Variants in GRAMD4 observed in about 807,000 individuals in gnomAD.
The protein encoded by GRAMD4 is GRAM domain-containing protein 4.
Under a neutral mutation model 83.9 loss-of-function variants are expected in GRAMD4, and 25 were observed. The ratio of observed to expected loss-of-function variants is 0.30; its 90% CI spans 0.22 to 0.42. The LOEUF is 0.42. GRAMD4 is among the 10% of genes least tolerant of loss of function. The pLI is 1.00. For synonymous variants in GRAMD4, 336 were observed against 320.9 expected, an observed-to-expected ratio of 1.05 and a Z score of -0.50; for missense variants, 593 against 788.7, an observed-to-expected ratio of 0.75 and a Z score of 2.97.
intron 1 of GRAMD4, among the ~76,000 whole-genome samples, chr22:46,595,314 C>T (rs1174410419): frequency 6.6e-6 from 1 of 152,198 alleles, no homozygotes; most frequent in East Asian, 1.9e-4. Flanking sequence ...GCCACTGGGA[C>T]TGGTGTTTCA....
At chr22:46,680,586 CCATCCATCCACCCACCCATTCAT>C (rs2082658584), downstream of GRAMD4, among the ~76,000 whole-genome samples, 1 of 23,146 alleles carries the variant, frequency 4.3e-5, no homozygotes, top group Non-Finnish European at 8.5e-5. Flanking sequence ...ATCCATCCAT[CCATCCATCCACCCACCCATTCAT>C]CCATCCACCC....
intron 3 of GRAMD4, among the ~76,000 whole-genome samples, chr22:46,643,156 C>CATCCATCCATGCATGCATCT (rs2082007950): frequency 6.7e-6 from 1 of 148,730 alleles, no homozygotes; most frequent in Admixed American, 6.7e-5. Flanking sequence ...TCCATCCATC[C>CATCCATCCATGCATGCATCT]ATCCATCCAT....
chr22:46,619,854 T>C (rs2081548885), upstream of GRAMD4, among the ~76,000 whole-genome samples: 1 of 151,476 alleles, frequency 6.6e-6, no homozygotes, highest in Non-Finnish European at 1.5e-5. Context: ...GTGGGGGAGG[T>C]GTGTCTGTGT....
chr22:46,634,619 A>G (rs541355076), intron 2 of GRAMD4, among the ~76,000 whole-genome samples: 4 of 152,306 alleles, frequency 2.6e-5, no homozygotes, highest in African/African-American at 9.6e-5. Context: ...GTGCGTGGCC[A>G]CAGTTTCTGT....
At position 46,677,135 on chromosome 22, in the gene GRAMD4, C is replaced by T; in HGVS notation, c.1633-12C>T. The T allele has an allele frequency of 6.2e-7, 1 of 1,612,322 alleles. No homozygotes were observed. Among genetic ancestry groups the T allele is most frequent in the East Asian group, 2.2e-5 (1 of 44,868 alleles). On this transcript the variant is annotated splice_polypyrimidine_tract_variant and intron_variant, in intron 18 of 18. Transcript: ENST00000406902. ...TGTGCCATGCTCACTGGTGGCATTT[C>T]TTCCCTGCCAGCCGCTCGTGTTTGG... is the stretch of plus-strand genomic sequence containing the variant.
Position 46,590,422 on chromosome 22 carries a change from C to T in GRAMD4, c.-50+13132C>T, listed in dbSNP as rs73457327. ...TGAGAAGGTGCCGGGGATGGGTGAG[C>T]GCTCCACTAACCCCGAGGGCTGGGA... On this transcript the variant is annotated intron_variant, in intron 1 of 1. Coordinates refer to the GRAMD4 transcript ENST00000431155. Among the ~76,000 whole-genome samples the T allele has an allele frequency of 9.2e-3, 1,399 of 152,280 alleles. 24 individuals carry two copies. The highest frequency in any genetic ancestry group is 0.032 in the African/African-American group (1,318 of 41,540).
intron 1 of GRAMD4, among the ~76,000 whole-genome samples, chr22:46,592,447 CA>C (rs60938161): frequency 0.019 from 2,006 of 107,520 alleles, 24 homozygotes; most frequent in African/African-American, 0.047. Context: ...GCCCTGTTTC[CA>C]AAAAAAAAAA....
intron 15 of GRAMD4, among the ~76,000 whole-genome samples, chr22:46,674,038 C>T (rs550832532): frequency 2.6e-5 from 4 of 152,226 alleles, no homozygotes; most frequent in Non-Finnish European, 5.9e-5. Context: ...GAGCCGCCCA[C>T]GCTGCAGCAC....
intron 1 of GRAMD4, among the ~76,000 whole-genome samples, chr22:46,611,996 CAAAA>C (rs61392000): frequency 2.0e-5 from 1 of 50,158 alleles, no homozygotes; most frequent in Non-Finnish European, 3.3e-5. Flanking sequence ...GACTCCATCT[CAAAA>C]AAAAAAAAAA....
In GRAMD4 at chr22:46,673,785, A is replaced by G. The variant is rs144916604; in HGVS notation, c.1355A>G (p.Asn452Ser). The change falls in exon 15 of 19, where the codon AAT becomes AGT. Residue 452 changes from asparagine (N) to serine (S), a missense_variant. This residue lies in a region of GRAMD4 where 171 missense variants were observed against 199.6 expected (regional missense o/e 0.86). Transcript: ENST00000406902. ...TKKGNFHEIF[N>S]LTENERPLAV... ...AAGGGCAATTTCCACGAGATCTTCA[A>G]TCTGACAGAAAACGAGCGTCCGCTG... 2.0e-5 allele frequency: 32 copies of G among 1,612,966 alleles called. No individual in the cohort carries two copies. The highest frequency in any genetic ancestry group is 2.6e-5 in the Non-Finnish European group (31 of 1,179,976).
intron 1 of GRAMD4, among the ~76,000 whole-genome samples, chr22:46,612,453 A>C (rs1266227139): frequency 6.6e-6 from 1 of 152,216 alleles, no homozygotes; most frequent in Non-Finnish European, 1.5e-5. Flanking sequence ...GAGCAGGCTC[A>C]GGTGCGCGGG....
At chr22:46,673,517 GGAA>G (rs1237829429) in intron 14 of GRAMD4, among the ~76,000 whole-genome samples, 150 bp from the exon 15 acceptor site, 2 of 152,256 alleles carry the variant, frequency 1.3e-5, no homozygotes, top group East Asian at 3.8e-4. Flanking sequence ...GGCCCTGCCT[GGAA>G]GAAGGAGCCG....
intron 1 of GRAMD4, among the ~76,000 whole-genome samples, chr22:46,577,813 C>G (rs1196507148): frequency 6.6e-6 from 1 of 152,202 alleles, no homozygotes; most frequent in Non-Finnish European, 1.5e-5. Context: ...TCCCTTTGTT[C>G]GGGATGTTGA....
intron 5 of GRAMD4, among the ~76,000 whole-genome samples, chr22:46,662,544 C>T (rs112327759): frequency 1.3e-5 from 2 of 152,238 alleles, no homozygotes; most frequent in African/African-American, 2.4e-5. Context: ...TGGCTGCGCT[C>T]GCCAGGCACC....
At chr22:46,650,857 C>T (rs1277665845) in intron 3 of GRAMD4, among the ~76,000 whole-genome samples, 2 of 152,198 alleles carry the variant, frequency 1.3e-5, no homozygotes, top group African/African-American at 2.4e-5. Flanking sequence ...TCCTTGTGAG[C>T]GTCCCTAAAC....
intron 3 of GRAMD4, among the ~76,000 whole-genome samples, chr22:46,654,394 T>A (rs2082212040): frequency 6.6e-6 from 1 of 152,106 alleles, no homozygotes; most frequent in African/African-American, 2.4e-5. Flanking sequence ...CAGGGCAGGG[T>A]GTTGTCCCCT....
At position 46,622,190 on chromosome 22, in the gene GRAMD4, GAATT is replaced by G. The variant is rs2081585576; in HGVS notation, c.-50+1627_-50+1630del. ...GATTGGGAAGGCAGCCCTGGCCTCG[GAATT>G]ACAGCCTCCCAGACAAGGGGGCTGT... On this transcript the variant is annotated intron_variant, in intron 1 of 18. Transcript: ENST00000406902. The surrounding 1 kb of genome is among the most constrained non-coding windows in gnomAD (Gnocchi z 4.0). Among the ~76,000 whole-genome samples, 1 of 152,142 alleles carries G rather than the reference GAATT, an allele frequency of 6.6e-6. No individual in the cohort carries two copies. Among genetic ancestry groups the G allele is most frequent in the African/African-American group, 2.4e-5 (1 of 41,426 alleles).
chr22:46,672,652 ACGAATGGGCC>A lies in GRAMD4; in HGVS notation c.1085-189_1085-180del. ...TCGCCTGGGGTTGAGACTGTGCAGC[ACGAATGGGCC>A]CCAGGGGAGCGAGGCTGGGGGTATC... is the stretch of plus-strand genomic sequence containing the variant. On this transcript the variant is annotated intron_variant, in intron 13 of 18. Transcript: ENST00000406902. This position sits in a 1 kb window ranked among gnomAD's most constrained non-coding sequence, Gnocchi z 4.7. Among the ~76,000 whole-genome samples the A allele has an allele frequency of 6.6e-6, 1 of 152,066 alleles. No individual in the cohort carries two copies. The highest frequency in any genetic ancestry group is 1.5e-5 in the Non-Finnish European group (1 of 67,950).
chr22:46,673,901 T>C, intron 15 of GRAMD4, 87 bp downstream of exon 15: 2 of 1,454,316 alleles, frequency 1.4e-6, no homozygotes, highest in Non-Finnish European at 1.9e-6. Context: ...CAGGACGGGG[T>C]CGCCCTGTGA....
Sources: gnomAD v4.1 joint callset for allele counts (sites outside exome capture counted in the v4.1 genomes callset) on GRCh38, gnomAD v4.1.1 for gene constraint, gnomAD v4.1.1 regional missense constraint, Gnocchi (gnomAD v3.1) non-coding constraint, MANE v1.5 for transcripts, NCBI Gene and HGNC (gene_info 2026-07-23, HGNC 2026-07-21) for gene names.